LDLRAD3: variants seen among roughly 807,000 people sequenced by gnomAD.
LDLRAD3 encodes low density lipoprotein receptor class A domain containing 3.
Under a neutral mutation model 29.4 loss-of-function variants are expected in LDLRAD3, and 20 were observed. The ratio of observed to expected loss-of-function variants is 0.68; its 90% CI spans 0.48 to 0.99. The LOEUF is 0.99. Ranked by LOEUF, LDLRAD3 falls within the 50% of genes least tolerant of loss-of-function variation. The pLI is 0.00. For synonymous variants in LDLRAD3, 157 were observed against 192.7 expected (o/e 0.81, Z 1.53); for missense variants, 420 against 454.3 (o/e 0.92, Z 0.69).
rs1483934660 is a variant in LDLRAD3, at chr11:36,173,669, CA to C, written c.455-53415del. Among the ~76,000 whole-genome samples, 40 of 152,208 alleles carry C rather than the reference CA, an allele frequency of 2.6e-4. 1 individual carries two copies. Among genetic ancestry groups the C allele is most frequent in the Admixed American group, 2.4e-3 (37 of 15,292 alleles). On this transcript the variant is annotated intron_variant, in intron 4 of 5. Coordinates refer to ENST00000315571, the MANE Select transcript of LDLRAD3 (RefSeq NM_174902.4). ...CATACATTTGCATGTGTCTTTATAG[CA>C]GCATGATTTATAATCCTTTGGGTAT...
At chr11:36,074,242 A>G (rs770264142) in intron 2 of LDLRAD3, among the ~76,000 whole-genome samples, 1 of 152,254 alleles carries the variant, frequency 6.6e-6, no homozygotes, top group Non-Finnish European at 1.5e-5. Context: ...GCTGGAAGGC[A>G]GAGGCGTTAG....
Position 36,215,905 on chromosome 11 carries a change from G to A in LDLRAD3, c.455-11180G>A, listed in dbSNP as rs533121520. ...ATGAACTGATTATGCAAGGGGCCGT[G>A]ACAAACTCGCAGATCCCAAGAACAG... On this transcript the variant is annotated intron_variant, in intron 4 of 5. Transcript: ENST00000315571. 5.3e-5 allele frequency among the ~76,000 whole-genome samples: 8 copies of A among 152,328 alleles called. No individual in the cohort carries two copies. The East Asian group carries it at 1.5e-3, about 29-fold the overall frequency.
chr11:36,176,132 T>C (rs1348146221), intron 4 of LDLRAD3, among the ~76,000 whole-genome samples: 1 of 152,240 alleles, frequency 6.6e-6, no homozygotes, highest in Admixed American at 6.5e-5. Context: ...TCGCTTTTGT[T>C]GTCCATTTGC....
chr11:36,143,925 C>CCTCCCT (rs1854125862), intron 4 of LDLRAD3, among the ~76,000 whole-genome samples: 2 of 123,824 alleles, frequency 1.6e-5, no homozygotes, highest in African/African-American at 3.4e-5. Context: ...TCCCTCTCCC[C>CCTCCCT]CTCCCCCTCC....
At chr11:36,183,670 G>C (rs1854800173) in intron 4 of LDLRAD3, among the ~76,000 whole-genome samples, 1 of 152,178 alleles carries the variant, frequency 6.6e-6, no homozygotes, top group South Asian at 2.1e-4. Context: ...AGTGGTATTA[G>C]AGCCCCAGAA....
chr11:36,205,441 C>T (rs1855193493), intron 4 of LDLRAD3, among the ~76,000 whole-genome samples: 1 of 152,130 alleles, frequency 6.6e-6, no homozygotes, highest in Admixed American at 6.5e-5. Flanking sequence ...TGTTGAAGGA[C>T]TTTTATCCAC....
intron 1 of LDLRAD3, among the ~76,000 whole-genome samples, chr11:35,958,363 G>A (rs186904020): frequency 2.0e-5 from 3 of 152,258 alleles, no homozygotes; most frequent in East Asian, 3.9e-4. Context: ...AAATTCTTAC[G>A]AAACAGATGA....
At chr11:35,988,494 A>G (rs1190316767) in intron 1 of LDLRAD3, among the ~76,000 whole-genome samples, 1 of 152,116 alleles carries the variant, frequency 6.6e-6, no homozygotes, top group Non-Finnish European at 1.5e-5. Context: ...TAGTTTGTGA[A>G]TATTTTCTCT....
chr11:36,121,970 A>C (rs1273652149), intron 4 of LDLRAD3, among the ~76,000 whole-genome samples: 1 of 152,212 alleles, frequency 6.6e-6, no homozygotes, highest in Non-Finnish European at 1.5e-5. Flanking sequence ...CCTTTGAGGA[A>C]GTTATTTCTA....
intron 1 of LDLRAD3, among the ~76,000 whole-genome samples, chr11:36,017,560 G>A (rs1334091922): frequency 7.3e-6 from 1 of 136,890 alleles, no homozygotes; most frequent in Non-Finnish European, 1.5e-5. Context: ...TTTGAGTCTC[G>A]CTCTGTTCTC....
chr11:36,042,013 CG>C (rs1565180604), intron 2 of LDLRAD3, among the ~76,000 whole-genome samples: 4 of 152,174 alleles, frequency 2.6e-5, no homozygotes, highest in African/African-American at 9.6e-5. Flanking sequence ...TGTTCCTGAC[CG>C]TTTCTTGAAC....
intron 1 of LDLRAD3, among the ~76,000 whole-genome samples, chr11:36,014,002 G>A (rs1851989602): frequency 6.6e-6 from 1 of 152,178 alleles, no homozygotes; most frequent in Non-Finnish European, 1.5e-5. Context: ...AAAGTCTTCA[G>A]TTGGTTCTTT....
At chr11:36,059,145 C>G (rs1852662616) in intron 2 of LDLRAD3, among the ~76,000 whole-genome samples, 2 of 152,060 alleles carry the variant, frequency 1.3e-5, no homozygotes, top group Admixed American at 6.5e-5. Context: ...GTAAGAGGAC[C>G]ACTTGAGCCG....
chr11:36,001,046 G>T (rs890050032), intron 1 of LDLRAD3: 5 of 152,130 alleles, frequency 3.3e-5, no homozygotes, highest in Non-Finnish European at 5.9e-5. Context: ...TACCTTGAGG[G>T]TTGTGTGTTC....
At chr11:36,062,729 C>T (rs1431629104) in intron 2 of LDLRAD3, among the ~76,000 whole-genome samples, 2 of 152,206 alleles carry the variant, frequency 1.3e-5, no homozygotes, top group Admixed American at 6.5e-5. Flanking sequence ...TTGCTTGGCA[C>T]TTCTCGCTGC....
intron 1 of LDLRAD3, among the ~76,000 whole-genome samples, chr11:35,964,913 C>G (rs556306402): frequency 1.3e-5 from 2 of 151,274 alleles, no homozygotes; most frequent in African/African-American, 4.9e-5. Context: ...AACTTGAACC[C>G]AGGAAGTTTG....
At chr11:36,116,956 C>T (rs986725481) in intron 4 of LDLRAD3, among the ~76,000 whole-genome samples, 12 of 151,870 alleles carry the variant, frequency 7.9e-5, no homozygotes, top group Admixed American at 7.9e-4. Flanking sequence ...ATTCTCGTGC[C>T]TCAGCCTCCT....
chr11:36,170,231 G>GGTGT (rs1854574737), intron 4 of LDLRAD3, among the ~76,000 whole-genome samples: 1 of 149,426 alleles, frequency 6.7e-6, no homozygotes, highest in African/African-American at 2.5e-5. Flanking sequence ...AATATTCCAT[G>GGTGT]GTGTGTATGT....
rs184036860 is a variant in LDLRAD3, at chr11:36,175,414, G to T, written c.455-51671G>T. 1.8e-4 allele frequency among the ~76,000 whole-genome samples: 27 copies of T among 151,990 alleles called. No individual in the cohort carries two copies. In the East Asian group the frequency reaches 5.2e-3, roughly 29 times the overall value. On this transcript the variant is annotated intron_variant, in intron 4 of 5. Coordinates refer to ENST00000315571, the MANE Select transcript of LDLRAD3 (RefSeq NM_174902.4). ...AGGTGTGACCTTAGATTGTCTATTT[G>T]TGCTCTTTCAGACTTTTCAATGTAG...
Sources: allele counts gnomAD v4.1 joint callset (sites outside exome capture counted in the v4.1 genomes callset), GRCh38; gene constraint gnomAD v4.1.1; transcripts MANE v1.5; gene names NCBI Gene and HGNC (gene_info 2026-07-23, HGNC 2026-07-21).